The following ZNF680 variants were observed in gnomAD, a reference collection of about 807,000 sequenced individuals.
ZNF680 encodes the protein hypothetical protein FLJ90430.
ZNF680 carries 6 observed loss-of-function variants against 12.1 expected under a neutral mutation model. The ratio of observed to expected loss-of-function variants is 0.49; its 90% CI spans 0.27 to 0.98. The LOEUF is 0.98. ZNF680 is among the 50% of genes least tolerant of loss of function. The pLI, the probability that ZNF680 is intolerant of heterozygous loss-of-function variation, is 0.12. For synonymous variants in ZNF680, 170 were observed against 199.3 expected, an observed-to-expected ratio of 0.85 and a Z score of 1.24; for missense variants, 561 against 616.3, an observed-to-expected ratio of 0.91 and a Z score of 0.95.
intron 3 of ZNF680, among the ~76,000 whole-genome samples, chr7:64,532,457 T>A (rs545578243): frequency 6.6e-6 from 1 of 152,290 alleles, no homozygotes; most frequent in African/African-American, 2.4e-5. Context: ...CTAGAAGAGA[T>A]GAATAAATTC....
At chr7:64,538,354 T>C (rs1485023711) in intron 3 of ZNF680, among the ~76,000 whole-genome samples, 1 of 152,146 alleles carries the variant, frequency 6.6e-6, no homozygotes, top group Non-Finnish European at 1.5e-5. Flanking sequence ...TGGGTGAAAA[T>C]ATTTGCAAAT....
intron 1 of ZNF680, among the ~76,000 whole-genome samples, chr7:64,548,491 T>C (rs1786895158): frequency 6.6e-6 from 1 of 152,202 alleles, no homozygotes; most frequent in Non-Finnish European, 1.5e-5. Context: ...AACTATTTTC[T>C]AATGGCCACA....
At chr7:64,524,393 G>T (rs1791721630) in intron 3 of ZNF680, among the ~76,000 whole-genome samples, 1 of 152,036 alleles carries the variant, frequency 6.6e-6, no homozygotes, top group African/African-American at 2.4e-5. Flanking sequence ...GCCTCCCTAA[G>T]TGCTGGGATT....
chr7:64,523,384 A>G (rs1383355930), intron 3 of ZNF680, among the ~76,000 whole-genome samples: 5 of 152,022 alleles, frequency 3.3e-5, no homozygotes, highest in East Asian at 1.9e-4. Flanking sequence ...AGTATTTTGT[A>G]TATCTGTATA....
rs1791465913 is a variant in ZNF680, at chr7:64,520,409, A to G, written c.*752T>C. On this transcript the variant is annotated 3_prime_UTR_variant, in exon 4 of 4. Transcript: ENST00000309683. ...ACTCCTTTTAAAGTTATTTACAAAT[A>G]ATCTAACAACTTATAGATTTTTTTA... The G allele has an allele frequency of 6.6e-6, 1 of 151,814 alleles. No homozygotes were observed. Among genetic ancestry groups the G allele is most frequent in the South Asian group, 2.1e-4 (1 of 4,832 alleles). 9.4% of individuals were successfully genotyped at this position (151,814 alleles called of 1,614,324 possible). A position where few individuals can be genotyped will look rare whatever the true frequency, so the allele number is the denominator to read the frequency against.
At chr7:64,544,533 A>C (rs1413025405) in intron 1 of ZNF680, 101 bp from the exon 2 acceptor site, 1 of 1,495,054 alleles carries the variant, frequency 6.7e-7, no homozygotes, top group Non-Finnish European at 8.9e-7. Context: ...AAAGTAAGAC[A>C]GTATAGAAAA....
chr7:64,531,978 C>G (rs1015126021), intron 3 of ZNF680, among the ~76,000 whole-genome samples: 10 of 151,984 alleles, frequency 6.6e-5, no homozygotes, highest in Non-Finnish European at 1.2e-4. Context: ...CAAAAAAATA[C>G]AAAAGATAAA....
At chr7:64,548,615 T>C (rs937015825) in intron 1 of ZNF680, among the ~76,000 whole-genome samples, 1 of 152,132 alleles carries the variant, frequency 6.6e-6, no homozygotes, top group African/African-American at 2.4e-5. Flanking sequence ...AAGACATCTC[T>C]TGTATGAGGG....
intron 1 of ZNF680, among the ~76,000 whole-genome samples, chr7:64,556,292 T>G (rs1787413683): frequency 1.3e-5 from 2 of 149,506 alleles, no homozygotes; most frequent in South Asian, 4.2e-4. Flanking sequence ...ATTTTAAAAT[T>G]TATATGAAAC....
At chr7:64,515,040 TCACACACA>T (rs60936039), downstream of ZNF680, among the ~76,000 whole-genome samples, 56,303 of 149,034 alleles carry the variant, frequency 0.38, 11,119 homozygotes, top group African/African-American at 0.49. Flanking sequence ...CAAAACTCTG[TCACACACA>T]CACACACACA....
chr7:64,524,513 A>G (rs937869701), intron 3 of ZNF680, among the ~76,000 whole-genome samples: 9 of 152,212 alleles, frequency 5.9e-5, no homozygotes, highest in African/African-American at 1.9e-4. Flanking sequence ...TGTATCTCAC[A>G]TTAAGTTTCC....
chr7:64,502,301 T>A, the ZNF680 span, among the ~76,000 whole-genome samples: 1 of 152,016 alleles, frequency 6.6e-6, no homozygotes, highest in South Asian at 2.1e-4. Flanking sequence ...ATGAGCCACC[T>A]TGCCCGGCCG....
intron 3 of ZNF680, among the ~76,000 whole-genome samples, chr7:64,539,194 A>T (rs1468521894): frequency 2.0e-5 from 3 of 151,156 alleles, no homozygotes; most frequent in Admixed American, 1.3e-4. Flanking sequence ...ATAAATACAT[A>T]AAAAAAGTAA....
At chr7:64,501,962 C>T in the ZNF680 span, among the ~76,000 whole-genome samples, 1 of 150,512 alleles carries the variant, frequency 6.6e-6, no homozygotes. Flanking sequence ...AATTTTGAAA[C>T]CTCTTTATGA....
the ZNF680 span, among the ~76,000 whole-genome samples, chr7:64,506,693 TA>T: frequency 6.6e-6 from 1 of 152,224 alleles, no homozygotes; most frequent in African/African-American, 2.4e-5. Context: ...AAAAATTTTT[TA>T]TTTAAAATGA....
the ZNF680 span, among the ~76,000 whole-genome samples, chr7:64,507,764 A>G: frequency 6.6e-6 from 1 of 151,628 alleles, no homozygotes; most frequent in East Asian, 1.9e-4. Context: ...AAAAGAGAGA[A>G]ATAAACTTTA....
downstream of ZNF680, among the ~76,000 whole-genome samples, chr7:64,519,150 AAAACAATCTCATTTAAAAGTAGGCT>A (rs1489593654): frequency 3.9e-5 from 6 of 151,970 alleles, no homozygotes; most frequent in Non-Finnish European, 8.8e-5. Flanking sequence ...GCAAGAAATA[AAAACAATCTCATTTAAAAGTAGGCT>A]AAGGATATGA....
At chr7:64,510,531 G>A in the ZNF680 span, among the ~76,000 whole-genome samples, 1 of 152,006 alleles carries the variant, frequency 6.6e-6, no homozygotes, top group Non-Finnish European at 1.5e-5. Context: ...TTTGCAGTAT[G>A]TAAATAACAC....
chr7:64,527,115 G>A (rs919869456), intron 3 of ZNF680, among the ~76,000 whole-genome samples: 23 of 152,152 alleles, frequency 1.5e-4, no homozygotes, highest in Admixed American at 1.4e-3. Flanking sequence ...GCAGGTGCCG[G>A]TAATTCCAGC....
Sources: allele counts gnomAD v4.1 joint callset (sites outside exome capture counted in the v4.1 genomes callset), GRCh38; gene constraint gnomAD v4.1.1; transcripts MANE v1.5; gene names NCBI Gene and HGNC (gene_info 2026-07-23, HGNC 2026-07-21).